The following SLC22A23 variants were observed in gnomAD, a reference collection of about 807,000 sequenced individuals.
SLC22A23 encodes ion transporter protein.
SLC22A23 carries 26 observed loss-of-function variants against 61.0 expected under a neutral mutation model. That is an observed-to-expected ratio of 0.43 (90% CI 0.31 to 0.59). The LOEUF is 0.59. Among genes scored for constraint, SLC22A23 ranks in the 20% least tolerant of loss-of-function variants. SLC22A23 has a pLI of 0.11. For missense variants in SLC22A23, 796 were observed against 934.7 expected (o/e 0.85, Z 1.94); for synonymous variants, 430 against 413.9 (o/e 1.04, Z -0.47).
At chr6:3,382,852 G>T (rs1459228126) in intron 3 of SLC22A23, among the ~76,000 whole-genome samples, 1 of 152,186 alleles carries the variant, frequency 6.6e-6, no homozygotes, top group Non-Finnish European at 1.5e-5. Flanking sequence ...AAGAGCTCTT[G>T]CCAAAGAAGG....
At chr6:3,395,647 A>G (rs902026286) in intron 3 of SLC22A23, among the ~76,000 whole-genome samples, 10 of 152,226 alleles carry the variant, frequency 6.6e-5, no homozygotes, top group African/African-American at 2.4e-4. Flanking sequence ...CAGGGGTGAA[A>G]TACATAAAGC....
rs1381416643 is a variant in SLC22A23, at chr6:3,427,611, CCT to C, written c.655-11758_655-11757del. ...ACCGTGCTTTCAGGTCCTCCCACCACCTCTCAGGATGCCGTGCCCTTCACTTT... is the reference window on the plus strand; with the variant it reads ...ACCGTGCTTTCAGGTCCTCCCACCACCTCAGGATGCCGTGCCCTTCACTTT... On this transcript the variant is annotated intron_variant, in intron 1 of 9. Coordinates refer to ENST00000406686, the MANE Select transcript of SLC22A23 (RefSeq NM_015482.2). This position sits in a 1 kb window ranked among gnomAD's most constrained non-coding sequence, Gnocchi z 4.3. Among the ~76,000 whole-genome samples the C allele has an allele frequency of 6.6e-6, 1 of 152,098 alleles. No homozygotes were observed. Among genetic ancestry groups the C allele is most frequent in the African/African-American group, 2.4e-5 (1 of 41,400 alleles).
rs564736727 is a variant in SLC22A23 at position 3,342,629 on chromosome 6, T to C, written c.914-18627A>G. On this transcript the variant is annotated intron_variant, in intron 3 of 9. Transcript: ENST00000406686. This position sits in a 1 kb window ranked among gnomAD's most constrained non-coding sequence, Gnocchi z 4.0. ...GCCAGTAGATGGGGGGTCCAGGAGA[T>C]TCAAACCTTGAGGAGCTTTTGCCGT... Among the ~76,000 whole-genome samples, 2 of 152,270 alleles carry C rather than the reference T, an allele frequency of 1.3e-5. No individual in the cohort carries two copies. Among genetic ancestry groups the C allele is most frequent in the East Asian group, 3.9e-4 (2 of 5,174 alleles).
chr6:3,349,483 T>C (rs771288812), intron 3 of SLC22A23, among the ~76,000 whole-genome samples: 78 of 152,216 alleles, frequency 5.1e-4, no homozygotes, highest in Non-Finnish European at 1.1e-3. Context: ...GGTTCAACCA[T>C]AGGGCATCCC....
Position 3,343,131 on chromosome 6 carries a change from G to A in SLC22A23, c.914-19129C>T, listed in dbSNP as rs533641131. Among the ~76,000 whole-genome samples, 5 of 152,312 alleles carry A rather than the reference G, an allele frequency of 3.3e-5. No individual in the cohort carries two copies. The East Asian group carries it at 9.6e-4, about 29-fold the overall frequency. On this transcript the variant is annotated intron_variant, in intron 3 of 9. Transcript: ENST00000406686. Reference sequence around the variant, plus strand: ...ATTCTTCGGGAAAGCTCTGTTTCTAGGTAGATGGGGGAGTTCCGACAAAGC... The same window carrying A: ...ATTCTTCGGGAAAGCTCTGTTTCTAAGTAGATGGGGGAGTTCCGACAAAGC...
chr6:3,413,124 G>A (rs1769386275), intron 2 of SLC22A23, among the ~76,000 whole-genome samples: 1 of 152,182 alleles, frequency 6.6e-6, no homozygotes, highest in Non-Finnish European at 1.5e-5. Context: ...AGTGACTGGA[G>A]GAGATGGTAA....
At chr6:3,305,360 T>C (rs920088358) in intron 4 of SLC22A23, among the ~76,000 whole-genome samples, 2 of 152,172 alleles carry the variant, frequency 1.3e-5, no homozygotes, top group Non-Finnish European at 2.9e-5. Context: ...CTCCGGTGAC[T>C]GAAGTTGGGA....
At chr6:3,447,840 G>C (rs192036185) in intron 1 of SLC22A23, among the ~76,000 whole-genome samples, 1 of 149,818 alleles carries the variant, frequency 6.7e-6, no homozygotes, top group Non-Finnish European at 1.5e-5. Context: ...CACCCACCTC[G>C]GCCTCCCAAA....
intron 3 of SLC22A23, among the ~76,000 whole-genome samples, chr6:3,368,681 C>A (rs9405635): frequency 0.7 from 106,520 of 152,014 alleles, 37,554 homozygotes; most frequent in East Asian, 0.84. Flanking sequence ...CACACACACA[C>A]AAATCCAATA....
chr6:3,275,594 A>C (rs962636404), intron 9 of SLC22A23, among the ~76,000 whole-genome samples: 5 of 152,212 alleles, frequency 3.3e-5, no homozygotes, highest in African/African-American at 9.7e-5. Flanking sequence ...GAATATATAA[A>C]GAACTTTTTT....
At chr6:3,435,881 C>CACAGAGGGAGGACCACGTGGGG (rs1771178505) in intron 1 of SLC22A23, among the ~76,000 whole-genome samples, 1 of 152,170 alleles carries the variant, frequency 6.6e-6, no homozygotes, top group African/African-American at 2.4e-5. Context: ...CACAGACACA[C>CACAGAGGGAGGACCACGTGGGG]ACAGAGGGAG....
chr6:3,339,352 C>T (rs149976278), intron 3 of SLC22A23, among the ~76,000 whole-genome samples: 58 of 152,164 alleles, frequency 3.8e-4, no homozygotes, highest in African/African-American at 1.3e-3. Context: ...CTGTTCATTC[C>T]CCAGGTGCAG....
chr6:3,385,678 T>C (rs774152739), intron 3 of SLC22A23, among the ~76,000 whole-genome samples: 10 of 152,108 alleles, frequency 6.6e-5, no homozygotes, highest in Non-Finnish European at 1.5e-4. Flanking sequence ...ATTGTCTGAG[T>C]TCCCTTACAA....
chr6:3,415,823 G>T lies in SLC22A23; in HGVS notation c.687C>A (p.Val229=). 6.4e-7 allele frequency: 1 copy of T among 1,552,152 alleles called. No homozygotes were observed. Among genetic ancestry groups the T allele is most frequent in the African/African-American group, 1.4e-5 (1 of 73,150 alleles). ...WDLVCDNAWK[V]HIAKFSLLVG... is the part of the protein sequence containing the mutation. The stretch of plus-strand genomic sequence containing the variant: ...CCAGTAAGGAGAACTTAGCGATATG[G>T]ACCTTCCAGGCATTATCACACACAA... Residue 229 remains valine, a synonymous_variant, in exon 2 of 10, where the codon GTC becomes GTA. Transcript: ENST00000406686.
chr6:3,315,407 T>A (rs1008463857), intron 4 of SLC22A23, among the ~76,000 whole-genome samples: 5 of 152,228 alleles, frequency 3.3e-5, no homozygotes, highest in African/African-American at 1.2e-4. Context: ...TTGTTTTACT[T>A]GCTTTCATCG....
chr6:3,355,071 CA>C (rs201861708), intron 3 of SLC22A23, among the ~76,000 whole-genome samples: 2,650 of 151,246 alleles, frequency 0.018, 25 homozygotes, highest in African/African-American at 0.038. Context: ...AAAACACAAA[CA>C]AAAAAAACCA....
chr6:3,357,208 G>GCCA (rs1335125172), intron 3 of SLC22A23, among the ~76,000 whole-genome samples: 1 of 151,876 alleles, frequency 6.6e-6, no homozygotes, highest in Non-Finnish European at 1.5e-5. Flanking sequence ...CATTGTTTTT[G>GCCA]CCAAACAAAC....
chr6:3,455,720 G>C (rs945115342), intron 1 of SLC22A23, among the ~76,000 whole-genome samples, 186 bp downstream of exon 1: 1 of 152,232 alleles, frequency 6.6e-6, no homozygotes, highest in Non-Finnish European at 1.5e-5. Context: ...TAAAGGCTAT[G>C]GTGCTCCCTT....
At chr6:3,275,829 G>A (rs989559098) in intron 9 of SLC22A23, among the ~76,000 whole-genome samples, 3 of 152,198 alleles carry the variant, frequency 2.0e-5, no homozygotes, top group Non-Finnish European at 2.9e-5. Flanking sequence ...TGATCCACCC[G>A]CCTTGGCCTC....
Sources: allele counts gnomAD v4.1 joint callset (sites outside exome capture counted in the v4.1 genomes callset), GRCh38; gene constraint gnomAD v4.1.1; non-coding constraint Gnocchi (gnomAD v3.1); transcripts MANE v1.5; gene names NCBI Gene and HGNC (gene_info 2026-07-23, HGNC 2026-07-21).